The following BBS9 variants were observed in gnomAD, a reference collection of about 807,000 sequenced individuals.
BBS9 encodes the protein Bardet-Biedl syndrome 9.
In BBS9, 89 loss-of-function variants were observed where a neutral mutation model predicts 117.7. That is an observed-to-expected ratio of 0.76 (90% CI 0.64 to 0.90). The LOEUF (loss-of-function observed/expected upper bound fraction) is 0.90, where lower values mean the gene tolerates loss of function less well. Ranked by LOEUF, BBS9 falls within the 40% of genes least tolerant of loss-of-function variation. BBS9 has a pLI of 0.00. For missense variants in BBS9, 982 were observed against 1,042.2 expected, an observed-to-expected ratio of 0.94 and a Z score of 0.80; for synonymous variants, 379 against 370.9, an observed-to-expected ratio of 1.02 and a Z score of -0.25.
rs758450052 is a variant in BBS9, at chr7:33,303,522, T to TCCCCCCCCCC, written c.1016+29572_1016+29573insCCCCCCCCCC. Among the ~76,000 whole-genome samples the TCCCCCCCCCC allele has an allele frequency of 2.6e-4, 20 of 77,066 alleles. 1 individual carries two copies. Among genetic ancestry groups the TCCCCCCCCCC allele is most frequent in the African/African-American group, 4.7e-4 (8 of 17,068 alleles). 50.6% of individuals were successfully genotyped at this position (77,066 alleles called of 152,430 possible). A position where few individuals can be genotyped will look rare whatever the true frequency, so the allele number is the denominator to read the frequency against. On this transcript the variant is annotated intron_variant, in intron 9 of 22. Coordinates refer to ENST00000242067, the MANE Select transcript of BBS9 (RefSeq NM_198428.3). ...TTTAGTATCAACTGAAATGATCCCC[T>TCCCCCCCCCC]CCCCCCGCCCCTTCTTTCTTTGGTC...
downstream of BBS9, among the ~76,000 whole-genome samples, chr7:33,610,132 A>G (rs1031503719): frequency 5.3e-5 from 8 of 152,120 alleles, no homozygotes; most frequent in African/African-American, 1.9e-4. Flanking sequence ...AAATCTGTTT[A>G]TAACAGGAGA....
chr7:33,368,608 A>G (rs1164491314), intron 17 of BBS9, among the ~76,000 whole-genome samples: 4 of 151,056 alleles, frequency 2.6e-5, no homozygotes, highest in African/African-American at 9.7e-5. Flanking sequence ...ACACACACAC[A>G]CACACACACC....
intron 19 of BBS9, among the ~76,000 whole-genome samples, chr7:33,439,531 A>AC (rs1835821811): frequency 1.4e-5 from 1 of 70,106 alleles, no homozygotes; most frequent in Non-Finnish European, 2.4e-5. Flanking sequence ...CTTTTTTATC[A>AC]CCTTTTTTTT....
chr7:33,136,064 C>G (rs895946811), intron 1 of BBS9, among the ~76,000 whole-genome samples: 1 of 152,118 alleles, frequency 6.6e-6, no homozygotes, highest in African/African-American at 2.4e-5. Context: ...GCTAGTATTA[C>G]AGGTGCGCAC....
chr7:33,441,125 G>A (rs7779777), intron 19 of BBS9, among the ~76,000 whole-genome samples: 13,820 of 152,150 alleles, frequency 0.091, 670 homozygotes, highest in South Asian at 0.14. Flanking sequence ...ATAATCGAGT[G>A]GATATAGATT....
At chr7:33,611,076 T>A (rs73690950) in intron 21 of BBS9, among the ~76,000 whole-genome samples, 2,364 of 152,148 alleles carry the variant, frequency 0.016, 71 homozygotes, top group African/African-American at 0.054. Flanking sequence ...AGCCGCTTCA[T>A]TGGCTCCAGG....
At chr7:33,525,851 C>T (rs1304335469) in intron 20 of BBS9, among the ~76,000 whole-genome samples, 1 of 150,028 alleles carries the variant, frequency 6.7e-6, no homozygotes, top group Non-Finnish European at 1.5e-5. Flanking sequence ...TCTCGATGGT[C>T]TTTACATTTT....
chr7:33,404,218 C>T (rs975286260), intron 19 of BBS9, among the ~76,000 whole-genome samples: 2 of 152,012 alleles, frequency 1.3e-5, no homozygotes, highest in African/African-American at 2.4e-5. Context: ...TGTTTTGGTA[C>T]CAGTACCATG....
At chr7:33,624,753 T>C (rs1373923421) in intron 21 of BBS9, among the ~76,000 whole-genome samples, 1 of 152,114 alleles carries the variant, frequency 6.6e-6, no homozygotes. Flanking sequence ...CTGTAACATT[T>C]TGGGGGAGTT....
intron 4 of BBS9, among the ~76,000 whole-genome samples, chr7:33,157,278 A>C (rs1794231978): frequency 6.6e-6 from 1 of 152,208 alleles, no homozygotes; most frequent in Non-Finnish European, 1.5e-5. Flanking sequence ...AGAAACTGGC[A>C]TATTAGGTGA....
intron 20 of BBS9, among the ~76,000 whole-genome samples, chr7:33,506,465 T>C (rs1468981479): frequency 2.0e-5 from 3 of 152,180 alleles, no homozygotes; most frequent in Non-Finnish European, 4.4e-5. Context: ...TTTGAGTGGT[T>C]ATTAGGTACC....
intron 17 of BBS9, among the ~76,000 whole-genome samples, chr7:33,378,797 G>T (rs1824398329): frequency 6.6e-6 from 1 of 152,150 alleles, no homozygotes; most frequent in Admixed American, 6.5e-5. Context: ...TATGAGTGAA[G>T]ACTCAGCCTA....
chr7:33,328,158 T>C (rs550811800), intron 9 of BBS9, among the ~76,000 whole-genome samples: 71 of 152,224 alleles, frequency 4.7e-4, no homozygotes, highest in Non-Finnish European at 9.4e-4. Context: ...ATTTTGTCCA[T>C]TGTTTTTCAT....
At chr7:33,320,474 G>A (rs1811463617) in intron 9 of BBS9, among the ~76,000 whole-genome samples, 1 of 151,928 alleles carries the variant, frequency 6.6e-6, no homozygotes, top group African/African-American at 2.4e-5. Flanking sequence ...AACAACATTT[G>A]CTTTATCCAT....
chr7:33,282,825 CT>C (rs1373773692), intron 9 of BBS9, among the ~76,000 whole-genome samples: 1 of 151,944 alleles, frequency 6.6e-6, no homozygotes, highest in East Asian at 1.9e-4. Flanking sequence ...AAAAAAATGC[CT>C]TTTTGGTTGA....
intron 19 of BBS9, among the ~76,000 whole-genome samples, chr7:33,443,990 C>T (rs182943215): frequency 8.5e-5 from 13 of 152,322 alleles, no homozygotes; most frequent in African/African-American, 2.9e-4. Context: ...TCTGAAATGA[C>T]CTTTCCCATT....
intron 9 of BBS9, among the ~76,000 whole-genome samples, chr7:33,330,869 A>T (rs913430302): frequency 6.6e-6 from 1 of 152,212 alleles, no homozygotes; most frequent in Non-Finnish European, 1.5e-5. Flanking sequence ...GTCAATGTTA[A>T]TGATGCTTTT....
intron 4 of BBS9, among the ~76,000 whole-genome samples, chr7:33,164,581 G>A (rs1042069413): frequency 1.6e-4 from 25 of 152,290 alleles, no homozygotes; most frequent in African/African-American, 5.3e-4. Flanking sequence ...TTACCATTAT[G>A]TAATGGCCTT....
chr7:33,590,477 T>TA (rs1861725293), intron 21 of BBS9, among the ~76,000 whole-genome samples: 1 of 150,112 alleles, frequency 6.7e-6, no homozygotes, highest in Admixed American at 6.6e-5. Context: ...TTTTTTTTTT[T>TA]ACCAGATCAG....
Sources: allele counts gnomAD v4.1 joint callset (sites outside exome capture counted in the v4.1 genomes callset), GRCh38; gene constraint gnomAD v4.1.1; transcripts MANE v1.5; gene names NCBI Gene and HGNC (gene_info 2026-07-23, HGNC 2026-07-21).